The following SCN11A variants were observed in gnomAD, a reference collection of about 807,000 sequenced individuals.
SCN11A encodes the protein sodium voltage-gated channel alpha subunit 11.
SCN11A carries 122 observed loss-of-function variants against 162.2 expected under a neutral mutation model. The ratio of observed to expected loss-of-function variants is 0.75; its 90% CI spans 0.65 to 0.87. SCN11A has a LOEUF of 0.87. Among genes scored for constraint, SCN11A ranks in the 40% least tolerant of loss-of-function variants. The pLI, the probability that SCN11A is intolerant of heterozygous loss-of-function variation, is 0.00. For synonymous variants in SCN11A, 758 were observed against 751.5 expected (o/e 1.01, Z -0.14); for missense variants, 2,015 against 2,181.6 (o/e 0.92, Z 1.52).
Position 38,871,439 on chromosome 3 carries a change from A to G in SCN11A, c.3759+6T>C. 1 of 1,595,578 alleles carries G rather than the reference A, an allele frequency of 6.3e-7. No homozygotes were observed. Among genetic ancestry groups the G allele is most frequent in the Non-Finnish European group, 8.5e-7 (1 of 1,172,080 alleles). On this transcript the variant is annotated splice_donor_region_variant and intron_variant, in intron 25 of 29. Transcript: ENST00000302328. The stretch of plus-strand genomic sequence containing the variant: ...TCAGAGTGAAAAACATACTGACTGT[A>G]CTTACCACTTGCAGCAGAGCGAGGT...
intron 7 of SCN11A, among the ~76,000 whole-genome samples, chr3:38,943,429 G>GA (rs34056535): frequency 6.6e-6 from 1 of 152,044 alleles, no homozygotes; most frequent in Admixed American, 6.5e-5. Flanking sequence ...ATAGGAGTTA[G>GA]AAAAAATGGT....
In SCN11A at chr3:38,872,286, C is replaced by T. The variant is rs746153539; in HGVS notation, c.3402G>A (p.Val1134=). ...ATTCCATTAAGTTAATGAGGGTGGTCACAGAGACCTGATGGGAAGAGAGGC... is the reference window on the plus strand; with the variant it reads ...ATTCCATTAAGTTAATGAGGGTGGTTACAGAGACCTGATGGGAAGAGAGGC... The part of the protein sequence containing the change: ...CLDFIIVIVS[V]TTLINLMELK... The change falls in exon 24 of 30, where the codon GTG becomes GTA. Residue 1134 remains valine (V), a synonymous_variant. Transcript: ENST00000302328. The T allele has an allele frequency of 6.3e-7, 1 of 1,585,326 alleles. No homozygotes were observed. The highest frequency in any genetic ancestry group is 8.7e-7 in the Non-Finnish European group (1 of 1,154,080).
intron 7 of SCN11A, among the ~76,000 whole-genome samples, chr3:38,930,104 C>T (rs2066218048): frequency 6.6e-6 from 1 of 152,196 alleles, no homozygotes; most frequent in Admixed American, 6.5e-5. Context: ...TCTGCAAGCA[C>T]AAACACATAC....
At chr3:38,872,150 T>G in intron 24 of SCN11A, 43 bp downstream of exon 24, 1 of 1,156,724 alleles carries the variant, frequency 8.6e-7, no homozygotes, top group Non-Finnish European at 1.3e-6. Context: ...TTTCCACCTT[T>G]CTCTGTTAAC....
At chr3:38,981,891 C>G (rs1200774233) in intron 2 of SCN11A, among the ~76,000 whole-genome samples, 2 of 151,848 alleles carry the variant, frequency 1.3e-5, no homozygotes, top group East Asian at 3.9e-4. Context: ...GTAGTCCCAG[C>G]TACTCAGGAG....
intron 2 of SCN11A, among the ~76,000 whole-genome samples, chr3:39,013,133 A>G (rs1383096350): frequency 2.6e-5 from 4 of 152,230 alleles, no homozygotes; most frequent in Non-Finnish European, 5.9e-5. Context: ...AACAGAGATG[A>G]GAGGGTGGCA....
At position 38,945,426 on chromosome 3, in the gene SCN11A, T is replaced by C; in HGVS notation, c.473A>G (p.Asn158Ser). The change falls in exon 7 of 30, where the codon AAT (asparagine) becomes AGT (serine). Residue 158 changes from asparagine (N) to serine (S), a missense_variant. Coordinates refer to ENST00000302328, the MANE Select transcript of SCN11A (RefSeq NM_001349253.2). Reference sequence around the variant, plus strand: ...AAATACTTACTCTGCAATGTCAGTATTGTTACTGTTGCTGTTTTTAGCAGG... The same window carrying C: ...AAATACTTACTCTGCAATGTCAGTACTGTTACTGTTGCTGTTTTTAGCAGG... Reference protein sequence around the residue: ...TGPAKNSNSNNTDIAECVFTG... With the variant: ...TGPAKNSNSNSTDIAECVFTG... 1 of 1,609,918 alleles carries C rather than the reference T, an allele frequency of 6.2e-7. No homozygotes were observed. Among genetic ancestry groups the C allele is most frequent in the Non-Finnish European group, 8.5e-7 (1 of 1,176,764 alleles).
In SCN11A at chr3:38,871,528, A is replaced by G. The variant is rs1192681625; in HGVS notation, c.3676T>C (p.Cys1226Arg). 2 of 1,612,554 alleles carry G rather than the reference A, an allele frequency of 1.2e-6. No individual in the cohort carries two copies. The highest frequency in any genetic ancestry group is 1.3e-5 in the African/African-American group (1 of 74,886). The change falls in exon 25 of 30, where the codon TGT (cysteine) becomes CGT (arginine). Residue 1226 changes from cysteine to arginine, a missense_variant. By Grantham distance (180) the Cys-to-Arg change is radical. Coordinates refer to ENST00000302328, the MANE Select transcript of SCN11A (RefSeq NM_001349253.2). ...ATCCAAGAGAAATTGCCACTTTCACATTGACTTTTATTTGTAATGATGGTA... is the reference window on the plus strand; with the variant it reads ...ATCCAAGAGAAATTGCCACTTTCACGTTGACTTTTATTTGTAATGATGGTA... ...NYTIITNKSQ[C>R]ESGNFSWINQ...
At chr3:38,879,027 G>A (rs981172864) in intron 23 of SCN11A, among the ~76,000 whole-genome samples, 4 of 152,052 alleles carry the variant, frequency 2.6e-5, no homozygotes. Flanking sequence ...CATGTATCCT[G>A]AAAATATGTC....
At chr3:38,889,153 C>T (rs375569977) in intron 19 of SCN11A, among the ~76,000 whole-genome samples, 3 of 152,034 alleles carry the variant, frequency 2.0e-5, no homozygotes, top group South Asian at 2.1e-4. Context: ...AGGCCAGGCA[C>T]GGTGGCTTAT....
intron 7 of SCN11A, among the ~76,000 whole-genome samples, chr3:38,932,859 G>A (rs1388440443): frequency 6.6e-6 from 1 of 152,220 alleles, no homozygotes; most frequent in Non-Finnish European, 1.5e-5. Context: ...TGACAGCTTT[G>A]AAGAGAGCAG....
chr3:38,985,807 T>A (rs1165940391), intron 2 of SCN11A, among the ~76,000 whole-genome samples: 1 of 150,940 alleles, frequency 6.6e-6, no homozygotes, highest in Non-Finnish European at 1.5e-5. Flanking sequence ...GCCATAAGTG[T>A]TTACCATCTC....
rs560131598 is a variant in SCN11A at position 39,022,232 on chromosome 3, G to A, written c.-280+10148C>T. On this transcript the variant is annotated intron_variant, in intron 2 of 29. Coordinates refer to ENST00000302328, the MANE Select transcript of SCN11A (RefSeq NM_001349253.2). Reference sequence around the variant, plus strand: ...GTCCCTGGGACTCATGGAGAGGCGTGAAGCTCAATTGTGCATGTGCATGTT... The same window carrying A: ...GTCCCTGGGACTCATGGAGAGGCGTAAAGCTCAATTGTGCATGTGCATGTT... Among the ~76,000 whole-genome samples, 7 of 152,326 alleles carry A rather than the reference G, an allele frequency of 4.6e-5. No individual in the cohort carries two copies. In the South Asian group the frequency reaches 1.5e-3, roughly 32 times the overall value.
intron 23 of SCN11A, among the ~76,000 whole-genome samples, chr3:38,879,603 AAGAAAT>A (rs1183111201): frequency 1.3e-5 from 2 of 152,306 alleles, no homozygotes; most frequent in South Asian, 2.1e-4. Context: ...AAGTCTTGAA[AAGAAAT>A]AGAAAGTTGG....
chr3:38,863,509 T>C (rs2064997900), intron 27 of SCN11A, among the ~76,000 whole-genome samples: 1 of 152,140 alleles, frequency 6.6e-6, no homozygotes, highest in South Asian at 2.1e-4. Context: ...GTTACCTTTA[T>C]CAGTTATTTT....
intron 24 of SCN11A, among the ~76,000 whole-genome samples, 156 bp downstream of exon 24, chr3:38,872,037 C>G (rs541741371): frequency 6.6e-6 from 1 of 152,268 alleles, no homozygotes; most frequent in South Asian, 2.1e-4. Context: ...ATATCTTAGG[C>G]TTTTCTCTAC....
At chr3:38,896,809 T>A (rs1291541270) in intron 18 of SCN11A, 36 bp downstream of exon 18, 2 of 881,834 alleles carry the variant, frequency 2.3e-6, no homozygotes, top group Non-Finnish European at 2.8e-6. Flanking sequence ...ATGTAGGATC[T>A]TTTTTTTTTT....
At chr3:38,950,057 ACCCCCACCCCC>A in intron 5 of SCN11A, 28 bp downstream of exon 5, 30 of 100,330 alleles carry the variant, frequency 3.0e-4, no homozygotes, top group South Asian at 4.4e-4. Context: ...TGGTTAGAAC[ACCCCCACCCCC>A]ACCCCCCCCC....
At chr3:38,925,000 C>T (rs1158135586) in intron 9 of SCN11A, among the ~76,000 whole-genome samples, 1 of 152,126 alleles carries the variant, frequency 6.6e-6, no homozygotes, top group Non-Finnish European at 1.5e-5. Context: ...TCAATGACAA[C>T]TATCGTGATC....
Sources: gnomAD v4.1 joint callset for allele counts (sites outside exome capture counted in the v4.1 genomes callset) on GRCh38, gnomAD v4.1.1 for gene constraint, MANE v1.5 for transcripts, NCBI Gene and HGNC (gene_info 2026-07-23, HGNC 2026-07-21) for gene names.